Variants in JPH3 observed in about 807,000 individuals in gnomAD.
JPH3 encodes the protein junctophilin-3.
A neutral mutation model predicts 59.6 loss-of-function variants in JPH3; 11 were observed. The ratio of observed to expected loss-of-function variants is 0.18; its 90% CI spans 0.12 to 0.31. The LOEUF is 0.31. Ranked by LOEUF, JPH3 falls within the 10% of genes least tolerant of loss-of-function variation. JPH3 has a pLI of 1.00. For missense variants in JPH3, 1,202 were observed against 1,105.7 expected (o/e 1.09, Z -1.24); for synonymous variants, 673 against 483.6 (o/e 1.39, Z -5.14).
intron 2 of JPH3, among the ~76,000 whole-genome samples, chr16:87,647,874 C>A (rs1041797593): frequency 6.6e-6 from 1 of 152,228 alleles, no homozygotes; most frequent in Non-Finnish European, 1.5e-5. Flanking sequence ...TAGGAACTGG[C>A]GTCTCACCCT....
intron 1 of JPH3, chr16:87,604,370 G>A: frequency 6.9e-7 from 1 of 1,440,890 alleles, no homozygotes; most frequent in Non-Finnish European, 9.2e-7. Flanking sequence ...CGGCTCTGCA[G>A]CTGCCCGCCT....
At chr16:87,652,358 A>G (rs1051188157) in intron 2 of JPH3, among the ~76,000 whole-genome samples, 1 of 152,264 alleles carries the variant, frequency 6.6e-6, no homozygotes, top group African/African-American at 2.4e-5. Flanking sequence ...GAAGGCTCAG[A>G]TTATTGTTCA....
intron 2 of JPH3, among the ~76,000 whole-genome samples, chr16:87,663,996 C>G (rs2032782636): frequency 6.6e-6 from 1 of 152,140 alleles, no homozygotes; most frequent in Admixed American, 6.5e-5. Flanking sequence ...AGGGAATGGC[C>G]TTGTTTTGAG....
intron 2 of JPH3, among the ~76,000 whole-genome samples, chr16:87,681,927 T>C (rs979576339): frequency 4.6e-5 from 7 of 152,138 alleles, no homozygotes; most frequent in Non-Finnish European, 7.4e-5. Flanking sequence ...CGCGCATCTT[T>C]AGTTTTGGGG....
chr16:87,648,768 C>T (rs556618560), intron 2 of JPH3, among the ~76,000 whole-genome samples: 8 of 152,274 alleles, frequency 5.3e-5, no homozygotes, highest in South Asian at 2.1e-4. Context: ...GTTTGGGATG[C>T]GCCCAGTGTT....
Position 87,644,878 on chromosome 16 carries a change from G to C in JPH3, c.1003G>C (p.Glu335Gln). 6.2e-7 allele frequency: 1 copy of C among 1,613,502 alleles called. No homozygotes were observed. The highest frequency in any genetic ancestry group is 8.5e-7 in the Non-Finnish European group (1 of 1,179,934). The stretch of plus-strand genomic sequence containing the variant: ...GACCTTCCCGGACGGCACCAAGGAG[G>C]AGGGCAAGTACAAGCAGAACATCCT... ...CMTFPDGTKE[E>Q]GKYKQNILVG... Residue 335 changes from glutamate (E) to glutamine (Q), a missense_variant, in exon 2 of 5, where the codon GAG (glutamate) becomes CAG (glutamine). Transcript: ENST00000284262.
chr16:87,607,737 A>G (rs2030579386), intron 1 of JPH3, among the ~76,000 whole-genome samples: 1 of 152,256 alleles, frequency 6.6e-6, no homozygotes, highest in Non-Finnish European at 1.5e-5. Context: ...GACTATGACT[A>G]TGCAACAAGT....
At chr16:87,630,134 C>G (rs2031518178) in intron 1 of JPH3, among the ~76,000 whole-genome samples, 1 of 152,202 alleles carries the variant, frequency 6.6e-6, no homozygotes, top group Non-Finnish European at 1.5e-5. Flanking sequence ...CCCCACAGCA[C>G]AGATTGGTGG....
chr16:87,610,934 C>T (rs142238392), intron 1 of JPH3, among the ~76,000 whole-genome samples: 283 of 152,340 alleles, frequency 1.9e-3, no homozygotes, highest in Middle Eastern at 3.4e-3. Context: ...CTTTTTACTG[C>T]TCCCTTTTCC....
chr16:87,648,574 A>G (rs4843648), intron 2 of JPH3, among the ~76,000 whole-genome samples: 52 of 152,020 alleles, frequency 3.4e-4, no homozygotes, highest in African/African-American at 1.2e-3. Context: ...AGGGAAGGGA[A>G]GTGGGTTTTC....
intron 2 of JPH3, among the ~76,000 whole-genome samples, chr16:87,647,236 T>G (rs1386905829): frequency 6.6e-6 from 1 of 151,288 alleles, no homozygotes; most frequent in East Asian, 2.0e-4. Flanking sequence ...GGGCGAGACC[T>G]GAGACCCATG....
chr16:87,675,658 T>C (rs1045863406), intron 2 of JPH3, among the ~76,000 whole-genome samples: 1 of 152,192 alleles, frequency 6.6e-6, no homozygotes, highest in Non-Finnish European at 1.5e-5. Flanking sequence ...TTCTAGAGTT[T>C]TGTCTGATTT....
chr16:87,660,504 G>T (rs556713794), intron 2 of JPH3, among the ~76,000 whole-genome samples: 22 of 152,306 alleles, frequency 1.4e-4, no homozygotes, highest in Middle Eastern at 3.4e-3. Flanking sequence ...GAGGCCACAG[G>T]CTGGACTGGG....
At chr16:87,679,752 T>G (rs2033238870) in intron 2 of JPH3, among the ~76,000 whole-genome samples, 1 of 152,186 alleles carries the variant, frequency 6.6e-6, no homozygotes, top group Admixed American at 6.5e-5. Context: ...GTGGCCACCA[T>G]CTGGGAGGCC....
intron 2 of JPH3, among the ~76,000 whole-genome samples, chr16:87,646,993 G>T (rs1427042589): frequency 1.3e-5 from 2 of 152,192 alleles, no homozygotes; most frequent in Admixed American, 1.3e-4. Flanking sequence ...GGACAGGGCT[G>T]GGGGCAGCAC....
chr16:87,691,885 G>T (rs1239751891), intron 4 of JPH3, among the ~76,000 whole-genome samples: 1 of 152,184 alleles, frequency 6.6e-6, no homozygotes, highest in Non-Finnish European at 1.5e-5. Flanking sequence ...CAGCCAAGCA[G>T]TGGGCAGGGT....
At chr16:87,616,862 G>A (rs1276324381) in intron 1 of JPH3, among the ~76,000 whole-genome samples, 1 of 152,190 alleles carries the variant, frequency 6.6e-6, no homozygotes, top group Admixed American at 6.5e-5. Flanking sequence ...AGTACAGTTC[G>A]TCATTTTGGG....
intron 4 of JPH3, among the ~76,000 whole-genome samples, chr16:87,692,959 C>T (rs568399929): frequency 7.9e-5 from 12 of 152,250 alleles, no homozygotes; most frequent in African/African-American, 1.9e-4. Flanking sequence ...CCTTCCTCCT[C>T]GCTGGGGTGG....
intron 1 of JPH3, among the ~76,000 whole-genome samples, chr16:87,606,850 C>T (rs1163090169): frequency 6.6e-6 from 1 of 152,140 alleles, no homozygotes; most frequent in Non-Finnish European, 1.5e-5. Context: ...TAGATACTTA[C>T]TGTCTGCCAA....
Sources: gnomAD v4.1 joint callset for allele counts (sites outside exome capture counted in the v4.1 genomes callset) on GRCh38, gnomAD v4.1.1 for gene constraint, MANE v1.5 for transcripts, NCBI Gene and HGNC (gene_info 2026-07-23, HGNC 2026-07-21) for gene names.